ARMCX4: variants seen among roughly 807,000 people sequenced by gnomAD.
ARMCX4 encodes armadillo repeat containing X-linked 4, also known as armadillo repeat-containing X-linked protein 4.
A neutral mutation model predicts 34.7 loss-of-function variants in ARMCX4; 3 were observed. The observed-to-expected ratio is 0.09, with a 90% CI of 0.04 to 0.22. The LOEUF (loss-of-function observed/expected upper bound fraction) is 0.22, where lower values mean the gene tolerates loss of function less well. Ranked by LOEUF, ARMCX4 falls within the 10% of genes least tolerant of loss-of-function variation. The pLI is 1.00. For synonymous variants in ARMCX4, 513 were observed against 632.8 expected, an observed-to-expected ratio of 0.81 and a Z score of 2.84; for missense variants, 1,448 against 1,720.8, an observed-to-expected ratio of 0.84 and a Z score of 2.81.
At chrX:101,497,382 G>A (rs782013053), downstream of ARMCX4, among the ~76,000 whole-genome samples, 669 of 109,783 alleles carry the variant, frequency 6.1e-3, 2 homozygotes, top group Non-Finnish European at 8.9e-3. Context: ...GATTACAGGC[G>A]CCTGCCACCA....
At chrX:101,507,321 A>G (rs782714828) in intron 8 of ARMCX4, among the ~76,000 whole-genome samples, 21 of 111,703 alleles carry the variant, frequency 1.9e-4, no homozygotes, top group Non-Finnish European at 3.9e-4. Context: ...CACTTTCCCC[A>G]TATTTAAAAT....
chrX:101,460,417 A>G (rs5991907), intron 4 of ARMCX4, among the ~76,000 whole-genome samples: 55,562 of 110,760 alleles, frequency 0.5, 11,034 homozygotes, highest in African/African-American at 0.75. Flanking sequence ...AGCTATTCAA[A>G]TTACTTATTA....
At chrX:101,429,628 G>A (rs782691419) in intron 2 of ARMCX4, among the ~76,000 whole-genome samples, 28 of 110,824 alleles carry the variant, frequency 2.5e-4, no homozygotes, top group Non-Finnish European at 4.9e-4. Context: ...GAGCCACCGC[G>A]CCCAGCCAGG....
rs1603227144 is a variant in ARMCX4, at chrX:101,518,425, G to T, written c.*1780+7370G>T. Among the ~76,000 whole-genome samples the T allele has an allele frequency of 6.3e-5, 7 of 111,383 alleles. 2 individuals carry two copies. On this transcript the variant is annotated intron_variant and NMD_transcript_variant, in intron 11 of 12. Coordinates refer to the ARMCX4 transcript ENST00000354842. ...TAGGAAATACATTTATATACATTTGGTAAAATTTTCACTTGTAGTCAATAG... is the reference window on the plus strand; with the variant it reads ...TAGGAAATACATTTATATACATTTGTTAAAATTTTCACTTGTAGTCAATAG...
chrX:101,489,761 T>C lies in ARMCX4; in HGVS notation c.1172T>C (p.Ile391Thr), dbSNP rs1354669044. The C allele has an allele frequency of 1.7e-6, 2 of 1,153,174 alleles. No individual in the cohort carries two copies. The highest frequency in any genetic ancestry group is 3.6e-5 in the African/African-American group (2 of 55,393). The change falls in exon 6 of 6, where the codon ATA becomes ACA. Residue 391 changes from isoleucine (I) to threonine (T), a missense_variant. Physicochemically the swap from Ile to Thr is moderately conservative, Grantham distance 89. Coordinates refer to ENST00000423738, the MANE Select transcript of ARMCX4 (RefSeq NM_001256155.3). ...RGNTNVISKA[I>T]TGADMRAAAQ... is the part of the protein sequence containing the mutation. ...AATACCAATGTCATATCTAAGGCAATAACTGGAGCTGACATGAGAGCTGCT... is the reference window on the plus strand; with the variant it reads ...AATACCAATGTCATATCTAAGGCAACAACTGGAGCTGACATGAGAGCTGCT...
At position 101,492,112 on chromosome X, in the gene ARMCX4, G is replaced by T; in HGVS notation, c.3523G>T (p.Val1175Phe). 2 of 1,153,807 alleles carry T rather than the reference G, an allele frequency of 1.7e-6. No individual in the cohort carries two copies. ...SWAGARAENV[V>F]GIGTWARAGE... Reference sequence around the variant, plus strand: ...GGCTGGGGCCAGGGCTGAGAATGTGGTTGGTATTGGGACTTGGGCTAGAGC... The same window carrying T: ...GGCTGGGGCCAGGGCTGAGAATGTGTTTGGTATTGGGACTTGGGCTAGAGC... Residue 1175 changes from valine to phenylalanine, a missense_variant, in exon 6 of 6, where the codon GTT becomes TTT. Physicochemically the swap from Val to Phe is conservative, Grantham distance 50 (BLOSUM62 -1). This residue lies in a region of ARMCX4 where 1,343 missense variants were observed against 1,540.7 expected (regional missense o/e 0.87). Transcript: ENST00000423738.
At chrX:101,427,526 C>T (rs782211787) in intron 2 of ARMCX4, among the ~76,000 whole-genome samples, 5 of 110,937 alleles carry the variant, frequency 4.5e-5, no homozygotes, top group South Asian at 3.8e-4. Flanking sequence ...TACAGGTGCA[C>T]GCCACTGTGT....
chrX:101,506,333 G>A (rs782189947), intron 8 of ARMCX4, among the ~76,000 whole-genome samples: 25 of 111,802 alleles, frequency 2.2e-4, no homozygotes, highest in Non-Finnish European at 3.6e-4. Flanking sequence ...TCTTCTATTA[G>A]TCTACTTGGG....
rs781954215 is a variant in ARMCX4, at chrX:101,490,589, C to G, written c.2000C>G (p.Thr667Ser). The G allele has an allele frequency of 8.7e-7, 1 of 1,155,828 alleles. No individual in the cohort carries two copies. The highest frequency in any genetic ancestry group is 1.9e-5 in the South Asian group (1 of 52,739). ...KAEVGEGAMG[T>S]AQLQIMASSK... is the part of the protein sequence containing the mutation. Reference sequence around the variant, plus strand: ...GAAGTTGGGGAAGGTGCAATGGGCACTGCCCAGCTTCAGATTATGGCCAGT... The same window carrying G: ...GAAGTTGGGGAAGGTGCAATGGGCAGTGCCCAGCTTCAGATTATGGCCAGT... Residue 667 changes from threonine (T) to serine (S), a missense_variant, in exon 6 of 6, where the codon ACT (threonine) becomes AGT (serine). Physicochemically the swap from Thr to Ser is moderately conservative, Grantham distance 58. Transcript: ENST00000423738.
intron 11 of ARMCX4, among the ~76,000 whole-genome samples, chrX:101,522,716 T>G (rs1045969846): frequency 8.9e-6 from 1 of 112,096 alleles, no homozygotes; most frequent in African/African-American, 3.2e-5. Context: ...AAAAATCAAG[T>G]TCATATCAAT....
chrX:101,500,762 A>G (rs376489275), downstream of ARMCX4, among the ~76,000 whole-genome samples: 22 of 112,396 alleles, frequency 2.0e-4, no homozygotes, highest in South Asian at 8.1e-3. Flanking sequence ...ATGCATACAC[A>G]GTTTTTCCTC....
chrX:101,532,678 C>A (rs1935152840), intron 12 of ARMCX4: 1 of 111,010 alleles, frequency 9.0e-6, no homozygotes, highest in Non-Finnish European at 1.9e-5. Flanking sequence ...TAATTTTGAC[C>A]AGGTTTCTGT....
chrX:101,422,711 T>G (rs1929347511), intron 2 of ARMCX4, among the ~76,000 whole-genome samples: 1 of 111,195 alleles, frequency 9.0e-6, no homozygotes, highest in Non-Finnish European at 1.9e-5. Context: ...CAATTTTGTT[T>G]CAGAATCAAA....
chrX:101,481,625 G>A (rs971171052), upstream of ARMCX4, among the ~76,000 whole-genome samples: 3 of 111,571 alleles, frequency 2.7e-5, no homozygotes, highest in African/African-American at 9.8e-5. Context: ...CCTTTTTGGA[G>A]GACAGTTTGG....
chrX:101,531,874 A>G (rs966533129), exon 12 of ARMCX4: 7 of 112,063 alleles, frequency 6.2e-5, no homozygotes, highest in African/African-American at 2.3e-4. Context: ...ATGGAAATGA[A>G]TATGTATTTT....
intron 2 of ARMCX4, among the ~76,000 whole-genome samples, chrX:101,432,646 C>A (rs782295498): frequency 9.3e-5 from 10 of 107,221 alleles, no homozygotes; most frequent in Non-Finnish European, 1.9e-4. Flanking sequence ...GGCAACAGAG[C>A]GAGATTCTGT....
chrX:101,435,840 C>T (rs1555994603), intron 2 of ARMCX4, among the ~76,000 whole-genome samples: 1 of 110,704 alleles, frequency 9.0e-6, no homozygotes, highest in East Asian at 2.8e-4. Flanking sequence ...AGGAAGGGAT[C>T]CAGTTTCAGC....
At chrX:101,476,972 G>A (rs1370322954) in intron 4 of ARMCX4, among the ~76,000 whole-genome samples, 1 of 110,580 alleles carries the variant, frequency 9.0e-6, no homozygotes, top group African/African-American at 3.3e-5. Context: ...ACAACATTGG[G>A]AATTATAATT....
At chrX:101,510,057 T>C (rs12844951) in intron 10 of ARMCX4, among the ~76,000 whole-genome samples, 4,719 of 111,855 alleles carry the variant, frequency 0.042, 119 homozygotes, top group Non-Finnish European at 0.066. Flanking sequence ...AGTTCCCCTT[T>C]TCCGAAAACA....
Sources: allele counts gnomAD v4.1 joint callset (sites outside exome capture counted in the v4.1 genomes callset), GRCh38; gene constraint gnomAD v4.1.1; regional missense constraint gnomAD v4.1.1; transcripts MANE v1.5; gene names NCBI Gene and HGNC (gene_info 2026-07-23, HGNC 2026-07-21).